The following CD209 variants were observed in gnomAD, a reference collection of about 807,000 sequenced individuals.
CD209 encodes the protein CD209 antigen.
In CD209, 31 loss-of-function variants were observed where a neutral mutation model predicts 44.7. That is an observed-to-expected ratio of 0.69 (90% CI 0.52 to 0.94). CD209 has a LOEUF of 0.94. Among genes scored for constraint, CD209 ranks in the 40% least tolerant of loss-of-function variants. The probability of loss-of-function intolerance (pLI) is 0.00; values close to 1 mark genes in which losing one functional copy is unlikely to be tolerated. For missense variants in CD209, 407 were observed against 452.4 expected (o/e 0.90, Z 0.91); for synonymous variants, 173 against 181.3 (o/e 0.95, Z 0.37).
chr19:7,746,247 C>A, intron 3 of CD209, 160 bp from the exon 4 acceptor site: 1 of 1,192,988 alleles, frequency 8.4e-7, no homozygotes, highest in Non-Finnish European at 1.2e-6. Context: ...GCACAGAAGG[C>A]CAAGGAGAGC....
At position 7,742,865 on chromosome 19, in the gene CD209, A is replaced by G. The variant is rs560757501; in HGVS notation, c.*174T>C. ...CCAGCTCACTCATAAAGCTCCAAGG[A>G]TGGGCCAGAAAAACAAGCTCTACAC... On this transcript the variant is annotated 3_prime_UTR_variant, in exon 7 of 7. Transcript: ENST00000315599. The G allele has an allele frequency of 6.5e-6, 4 of 616,602 alleles. No individual in the cohort carries two copies. Among genetic ancestry groups the G allele is most frequent in the Non-Finnish European group, 1.1e-5 (4 of 350,506 alleles). The allele number at this position is 616,602 out of a possible 1,614,324, so 38.2% of individuals were successfully genotyped here.
chr19:7,744,335 C>T, intron 5 of CD209, 116 bp from the exon 6 acceptor site: 1 of 759,384 alleles, frequency 1.3e-6, no homozygotes, highest in Non-Finnish European at 2.2e-6. Flanking sequence ...TTCTGGTATA[C>T]TAGGTCCTGA....
chr19:7,745,434 C>T, intron 4 of CD209, 84 bp downstream of exon 4: 4 of 1,609,190 alleles, frequency 2.5e-6, no homozygotes, highest in Non-Finnish European at 3.4e-6. Flanking sequence ...AGGAAACTTG[C>T]TCAGGCAGGG....
intron 5 of CD209, among the ~76,000 whole-genome samples, chr19:7,744,689 G>A (rs2033739980): frequency 6.6e-6 from 1 of 152,236 alleles, no homozygotes; most frequent in Non-Finnish European, 1.5e-5. Flanking sequence ...CAGAGAGCTG[G>A]TTGTTAACCT....
At chr19:7,744,519 T>C (rs540441724) in intron 5 of CD209, among the ~76,000 whole-genome samples, 1 of 152,354 alleles carries the variant, frequency 6.6e-6, no homozygotes, top group Admixed American at 6.5e-5. Flanking sequence ...CTGGGCTTAA[T>C]GTGTTGGAGC....
rs1381828178 is a variant in CD209, at chr19:7,745,593, C to T, written c.673G>A (p.Ala225Thr). Residue 225 changes from alanine to threonine, a missense_variant, in exon 4 of 7, where the codon GCA becomes ACA. Ala to Thr is a moderately conservative substitution (Grantham distance 58). Coordinates refer to ENST00000315599, the MANE Select transcript of CD209 (RefSeq NM_021155.4). ...IYQELTRLKA[A>T]VGELPEKSKQ... ...GATTTCTCTGGAAGCTCACCCACTG[C>T]AGCCTTCAGCCGGGTCAGCTCCTGG... 1 of 725,828 alleles carries T rather than the reference C, an allele frequency of 1.4e-6. No homozygotes were observed. Among genetic ancestry groups the T allele is most frequent in the African/African-American group, 1.8e-5 (1 of 55,830 alleles). 45.0% of individuals were successfully genotyped at this position (725,828 alleles called of 1,614,324 possible). A position where few individuals can be genotyped will look rare whatever the true frequency, so the allele number is the denominator to read the frequency against.
chr19:7,746,593 C>T, intron 2 of CD209, 62 bp from the exon 3 acceptor site: 1 of 1,555,486 alleles, frequency 6.4e-7, no homozygotes. Context: ...CCAGGGAGAG[C>T]CTGGTCTAAA....
rs2033666644 is a variant in CD209, at chr19:7,743,126, G to A, written c.1128C>T (p.Ile376=). The change falls in exon 7 of 7, where the codon ATC becomes ATT. Residue 376 remains isoleucine, a synonymous_variant. Coordinates refer to ENST00000315599, the MANE Select transcript of CD209 (RefSeq NM_021155.4). ...DDKCNLAKFW[I]CKKSAASCSR... Reference sequence around the variant, plus strand: ...AGCAGGAGGCTGCGGACTTTTTGCAGATCCAGAATTTGGCAAGATTACATT... The same window carrying A: ...AGCAGGAGGCTGCGGACTTTTTGCAAATCCAGAATTTGGCAAGATTACATT... The A allele has an allele frequency of 1.2e-6, 2 of 1,614,066 alleles. No individual in the cohort carries two copies.
At position 7,740,648 on chromosome 19, in the gene CD209, G is replaced by A. The variant is rs11465415; in HGVS notation, c.*2391C>T. 1.4e-3 allele frequency: 1,067 copies of A among 779,814 alleles called. 10 individuals carry two copies. The African/African-American group carries it at 0.016, about 12-fold the overall frequency. 48.3% of individuals were successfully genotyped at this position (779,814 alleles called of 1,614,324 possible). ...TAGAAAAGCTATGGGGAAGAGAGAGGCAAAGATTACATGAGGAGTGGTTGC... is the reference window on the plus strand; with the variant it reads ...TAGAAAAGCTATGGGGAAGAGAGAGACAAAGATTACATGAGGAGTGGTTGC... On this transcript the variant is annotated 3_prime_UTR_variant, in exon 7 of 7. Coordinates refer to ENST00000315599, the MANE Select transcript of CD209 (RefSeq NM_021155.4).
Position 7,746,013 on chromosome 19 carries a change from T to C in CD209, c.253A>G (p.Lys85Glu), listed in dbSNP as rs1226309767. The change falls in exon 4 of 7, where the codon AAA (lysine) becomes GAA (glutamate). Residue 85 changes from lysine (K) to glutamate (E), a missense_variant. Lys to Glu is a moderately conservative substitution (Grantham distance 56). This residue lies in a region of CD209 where 122 missense variants were observed against 110.3 expected (regional missense o/e 1.11). Coordinates refer to ENST00000315599, the MANE Select transcript of CD209 (RefSeq NM_021155.4). ...DAIYQNLTQL[K>E]AAVGELSEKS... ...TCTGAGAGCTCACCCACTGCAGCTT[T>C]AAGCTGGGTCAGGTTCTGGTAGATC... 5 of 1,614,250 alleles carry C rather than the reference T, an allele frequency of 3.1e-6. No individual in the cohort carries two copies. In the South Asian group the frequency reaches 5.5e-5, roughly 18 times the overall value.
At chr19:7,745,454 C>G in intron 4 of CD209, 64 bp downstream of exon 4, 1 of 1,611,358 alleles carries the variant, frequency 6.2e-7, no homozygotes, top group Non-Finnish European at 8.5e-7. Context: ...GTCAGTGACT[C>G]AAGCAAACTC....
In CD209 at chr19:7,745,660, T is replaced by C. The variant is rs890343459; in HGVS notation, c.606A>G (p.Ala202=). ...TAGATTTCTCTGGAAGCTCACCCAC[T>C]GCAGCCTTCAGCCGGGTCAGCTCCT... is the stretch of plus-strand genomic sequence containing the variant. ...IYQELTRLKA[A]VGELPEKSKQ... The change falls in exon 4 of 7, where the codon GCA becomes GCG. Residue 202 remains alanine (A), a synonymous_variant. Coordinates refer to ENST00000315599, the MANE Select transcript of CD209 (RefSeq NM_021155.4). 45 of 627,634 alleles carry C rather than the reference T, an allele frequency of 7.2e-5. No individual in the cohort carries two copies. The East Asian group carries it at 1.2e-3, about 17-fold the overall frequency. 38.9% of individuals were successfully genotyped at this position (627,634 alleles called of 1,614,324 possible).
Position 7,740,434 on chromosome 19 carries a change from A to AGGGGC in CD209, c.*2600_*2604dup, listed in dbSNP as rs1489224621. 39 of 689,974 alleles carry AGGGGC rather than the reference A, an allele frequency of 5.7e-5. No homozygotes were observed. The East Asian group carries it at 1.0e-3, about 18-fold the overall frequency. 42.7% of individuals were successfully genotyped at this position (689,974 alleles called of 1,614,324 possible). A position where few individuals can be genotyped will look rare whatever the true frequency, so the allele number is the denominator to read the frequency against. ...AGTTTATTATAAAGGATACAACTAG[A>AGGGGC]GGGGCGGGGCGGTGCCGGCAAGATG... On this transcript the variant is annotated 3_prime_UTR_variant, in exon 7 of 7. Coordinates refer to ENST00000315599, the MANE Select transcript of CD209 (RefSeq NM_021155.4).
rs146002807 is a variant in CD209 at position 7,744,143 on chromosome 19, G to T, written c.977C>A (p.Thr326Lys). The T allele has an allele frequency of 1.9e-6, 3 of 1,614,102 alleles. No individual in the cohort carries two copies. The East Asian group carries it at 6.7e-5, about 36-fold the overall frequency. The change falls in exon 6 of 7, where the codon ACG becomes AAG. Residue 326 changes from threonine to lysine, a missense_variant. By Grantham distance (78) the Thr-to-Lys change is moderately conservative (BLOSUM62 -1). Coordinates refer to ENST00000315599, the MANE Select transcript of CD209 (RefSeq NM_021155.4). Reference protein sequence around the residue: ...MGLSDLNQEGTWQWVDGSPLL... With the variant: ...MGLSDLNQEGKWQWVDGSPLL... Reference sequence around the variant, plus strand: ...AGGTGAGCCGTCCACCCATTGCCACGTGCCTTCCTGATTTAGATCTGAAAG... The same window carrying T: ...AGGTGAGCCGTCCACCCATTGCCACTTGCCTTCCTGATTTAGATCTGAAAG...
At position 7,746,627 on chromosome 19, in the gene CD209, G is replaced by C. The variant is rs1224423003; in HGVS notation, c.107-96C>G. The C allele has an allele frequency of 2.3e-6, 3 of 1,276,830 alleles. No individual in the cohort carries two copies. In the African/African-American group the frequency reaches 4.4e-5, roughly 19 times the overall value. 79.1% of individuals were successfully genotyped at this position (1,276,830 alleles called of 1,614,324 possible). On this transcript the variant is annotated intron_variant, in intron 2 of 6. Coordinates refer to ENST00000315599, the MANE Select transcript of CD209 (RefSeq NM_021155.4). ...AATCCCTCAGCACCCCAGGACCCAG[G>C]AACCCCAGCCCCAGCCCCCTCCACT...
At position 7,744,982 on chromosome 19, in the gene CD209, C is replaced by T. The variant is rs906890103; in HGVS notation, c.859G>A (p.Val287Met). The T allele has an allele frequency of 1.2e-6, 2 of 1,614,246 alleles. No individual in the cohort carries two copies. Among genetic ancestry groups the T allele is most frequent in the Middle Eastern group, 3.3e-4 (2 of 6,062 alleles). The change falls in exon 5 of 7, where the codon GTG becomes ATG. Residue 287 changes from valine (V) to methionine (M), a missense_variant. Around this residue, in one of 3 missense-constraint regions of CD209, gnomAD observed 200 missense variants for 202.2 expected, o/e 0.99. Coordinates refer to ENST00000315599, the MANE Select transcript of CD209 (RefSeq NM_021155.4). ...WHDSITACKE[V>M]GAQLVVIKSA... ...TTGATTACGACGAGCTGGGCCCCCA[C>T]TTCTTTGCAGGCGGTGATGGAGTCG...
chr19:7,743,522 C>T (rs1049519473), intron 6 of CD209, among the ~76,000 whole-genome samples: 25 of 152,194 alleles, frequency 1.6e-4, no homozygotes, highest in Non-Finnish European at 3.4e-4. Flanking sequence ...TTACTGGGCT[C>T]TTGTACTCCA....
Position 7,745,435 on chromosome 19 carries a change from T to C in CD209, c.748+83A>G, listed in dbSNP as rs2033774010. On this transcript the variant is annotated intron_variant, in intron 4 of 6. Coordinates refer to ENST00000315599, the MANE Select transcript of CD209 (RefSeq NM_021155.4). Reference sequence around the variant, plus strand: ...TCATTTCACAGATGAGGAAACTTGCTCAGGCAGGGTCAGTGACTCAAGCAA... The same window carrying C: ...TCATTTCACAGATGAGGAAACTTGCCCAGGCAGGGTCAGTGACTCAAGCAA... 3.7e-6 allele frequency: 6 copies of C among 1,609,290 alleles called. No individual in the cohort carries two copies. The South Asian group carries it at 4.4e-5, about 12-fold the overall frequency.
intron 2 of CD209, 68 bp from the exon 3 acceptor site, chr19:7,746,599 C>T: frequency 1.3e-6 from 2 of 1,520,480 alleles, no homozygotes; most frequent in South Asian, 2.3e-5. Context: ...AGAGCCTGGT[C>T]TAAATCCCTC....
Sources: gnomAD v4.1 joint callset for allele counts (sites outside exome capture counted in the v4.1 genomes callset) on GRCh38, gnomAD v4.1.1 for gene constraint, gnomAD v4.1.1 regional missense constraint, MANE v1.5 for transcripts, NCBI Gene and HGNC (gene_info 2026-07-23, HGNC 2026-07-21) for gene names.